The following LMO4 variants were observed in gnomAD, a reference collection of about 807,000 sequenced individuals.
LMO4 encodes the protein LIM domain only 4.
In LMO4, 3 loss-of-function variants were observed where a neutral mutation model predicts 18.5. That is an observed-to-expected ratio of 0.16 (90% CI 0.07 to 0.42). LMO4 has a LOEUF of 0.42. LMO4 is among the 10% of genes least tolerant of loss of function. The pLI is 0.99. For synonymous variants in LMO4, 100 were observed against 88.1 expected (o/e 1.14, Z -0.76); for missense variants, 121 against 219.9 (o/e 0.55, Z 2.84).
At chr1:87,343,475 TGTTCTG>T (rs1650550137) in intron 4 of LMO4, among the ~76,000 whole-genome samples, 1 of 152,212 alleles carries the variant, frequency 6.6e-6, no homozygotes, top group African/African-American at 2.4e-5. Context: ...GATTGCTGCC[TGTTCTG>T]GAATTTTTTT....
rs1444159408 is a variant in LMO4 at position 87,345,464 on chromosome 1, C to A, written c.*668C>A. On this transcript the variant is annotated 3_prime_UTR_variant, in exon 5 of 5. Coordinates refer to ENST00000370544, the MANE Select transcript of LMO4 (RefSeq NM_006769.4). ...CATAGCAGCTACTGTGTAGAAAATTCCCCCTACTTCTAATTTGCTGAATGA... is the reference window on the plus strand; with the variant it reads ...CATAGCAGCTACTGTGTAGAAAATTACCCCTACTTCTAATTTGCTGAATGA... The A allele has an allele frequency of 1.3e-5, 2 of 150,858 alleles. No individual in the cohort carries two copies. Among genetic ancestry groups the A allele is most frequent in the Non-Finnish European group, 1.5e-5 (1 of 67,808 alleles). The allele number at this position is 150,858 out of a possible 1,614,324, so 9.3% of individuals were successfully genotyped here.
chr1:87,342,255 G>C (rs1650519400), intron 4 of LMO4, among the ~76,000 whole-genome samples: 1 of 152,188 alleles, frequency 6.6e-6, no homozygotes, highest in African/African-American at 2.4e-5. Flanking sequence ...GTGTTAGGTA[G>C]GGACCAAGTA....
chr1:87,332,461 G>C (rs1321942900), intron 2 of LMO4, among the ~76,000 whole-genome samples: 1 of 152,232 alleles, frequency 6.6e-6, no homozygotes, highest in East Asian at 1.9e-4. Flanking sequence ...GCCATACTAA[G>C]TAAAGACCAT....
chr1:87,346,318 C>G lies in LMO4; in HGVS notation c.*1522C>G, dbSNP rs547715494. Reference sequence around the variant, plus strand: ...CTGCACTGCCCGCAGAGCTGCCCTCCGGAAAGCATGCAGTATAACAGCTAG... The same window carrying G: ...CTGCACTGCCCGCAGAGCTGCCCTCGGGAAAGCATGCAGTATAACAGCTAG... On this transcript the variant is annotated 3_prime_UTR_variant, in exon 5 of 5. Coordinates refer to ENST00000370544, the MANE Select transcript of LMO4 (RefSeq NM_006769.4). 1 of 152,276 alleles carries G rather than the reference C, an allele frequency of 6.6e-6. No homozygotes were observed. The highest frequency in any genetic ancestry group is 2.1e-4 in the South Asian group (1 of 4,814). The allele number at this position is 152,276 out of a possible 1,614,324, so 9.4% of individuals were successfully genotyped here.
chr1:87,333,750 G>A (rs946103772), intron 2 of LMO4, among the ~76,000 whole-genome samples: 1 of 152,104 alleles, frequency 6.6e-6, no homozygotes, highest in Non-Finnish European at 1.5e-5. Context: ...AGTAAATGTT[G>A]GAAAATCAGC....
At chr1:87,337,111 G>A (rs551596043) in intron 2 of LMO4, among the ~76,000 whole-genome samples, 3 of 152,198 alleles carry the variant, frequency 2.0e-5, no homozygotes, top group Admixed American at 1.3e-4. Context: ...CCTTAAAGCT[G>A]TAGGCATGGA....
At chr1:87,329,889 G>C (rs1390060589) in intron 1 of LMO4, among the ~76,000 whole-genome samples, 1 of 152,102 alleles carries the variant, frequency 6.6e-6, no homozygotes, top group Non-Finnish European at 1.5e-5. Context: ...GTTAAAGGGG[G>C]GCAGATTTTG....
chr1:87,334,754 T>TC (rs1650249357), intron 2 of LMO4, among the ~76,000 whole-genome samples: 1 of 151,930 alleles, frequency 6.6e-6, no homozygotes, highest in South Asian at 2.1e-4. Context: ...ACCAGTCCCC[T>TC]CCCCCTCCGC....
chr1:87,332,050 C>G lies in LMO4; in HGVS notation c.35C>G (p.Pro12Arg). 6.2e-7 allele frequency: 1 copy of G among 1,613,198 alleles called. No homozygotes were observed. The highest frequency in any genetic ancestry group is 8.5e-7 in the Non-Finnish European group (1 of 1,179,896). The change falls in exon 2 of 5, where the codon CCG becomes CGG. Residue 12 changes from proline (P) to arginine (R), a missense_variant. Coordinates refer to ENST00000370544, the MANE Select transcript of LMO4 (RefSeq NM_006769.4). ...VNPGSSSQPP[P>R]VTAGSLSWKR... is the part of the protein sequence containing the mutation. The stretch of plus-strand genomic sequence containing the variant: ...CCGGGCAGCAGCTCGCAGCCGCCCC[C>G]GGTGACGGCCGGCTCCCTCTCCTGG...
chr1:87,339,652 T>G lies in LMO4; in HGVS notation c.333+20T>G. On this transcript the variant is annotated intron_variant, in intron 3 of 4. Transcript: ENST00000370544. Reference sequence around the variant, plus strand: ...CTTAAGGTAGTATTTGCATCTCTCTTTTTTTTTTAAAAAAAAAATCATACC... The same window carrying G: ...CTTAAGGTAGTATTTGCATCTCTCTGTTTTTTTTAAAAAAAAAATCATACC... 6.7e-7 allele frequency: 1 copy of G among 1,491,268 alleles called. No homozygotes were observed. Among genetic ancestry groups the G allele is most frequent in the Non-Finnish European group, 9.3e-7 (1 of 1,078,450 alleles). 92.4% of individuals were successfully genotyped at this position (1,491,268 alleles called of 1,614,324 possible). A position where few individuals can be genotyped will look rare whatever the true frequency, so the allele number is the denominator to read the frequency against.
At chr1:87,343,890 A>G (rs550177658) in intron 4 of LMO4, among the ~76,000 whole-genome samples, 9 of 152,296 alleles carry the variant, frequency 5.9e-5, no homozygotes, top group African/African-American at 1.7e-4. Context: ...GGAGGCTCAA[A>G]ATGTCATTTA....
At chr1:87,335,478 G>A (rs1237207100) in intron 2 of LMO4, among the ~76,000 whole-genome samples, 1 of 151,816 alleles carries the variant, frequency 6.6e-6, no homozygotes, top group Non-Finnish European at 1.5e-5. Flanking sequence ...GCGCAGGGCG[G>A]GAGCCGGGCG....
chr1:87,337,774 G>A (rs72728003), intron 2 of LMO4, among the ~76,000 whole-genome samples: 3 of 152,236 alleles, frequency 2.0e-5, no homozygotes, highest in African/African-American at 2.4e-5. Context: ...ACTCCCCTGC[G>A]GCAGTGGTAC....
intron 2 of LMO4, among the ~76,000 whole-genome samples, chr1:87,334,870 ATTAGTGGCTCCTCCATTTTCTTAGTTC>A (rs1378294936): frequency 6.6e-6 from 1 of 152,210 alleles, no homozygotes; most frequent in African/African-American, 2.4e-5. Context: ...AAAAGCTTTA[ATTAGTGGCTCCTCCATTTTCTTAGTTC>A]TGATGGGCTT....
chr1:87,339,978 T>C, intron 3 of LMO4, 69 bp from the exon 4 acceptor site: 1 of 1,528,860 alleles, frequency 6.5e-7, no homozygotes, highest in Non-Finnish European at 9.0e-7. Flanking sequence ...AATAACAGGT[T>C]ATAAACTTGT....
At position 87,345,199 on chromosome 1, in the gene LMO4, T is replaced by A; in HGVS notation, c.*403T>A. ...TACCCTGTGTTTTACCTTAACAACA[T>A]TCTATTTGCTCTTTGTATATTTAAG... On this transcript the variant is annotated 3_prime_UTR_variant, in exon 5 of 5. Coordinates refer to ENST00000370544, the MANE Select transcript of LMO4 (RefSeq NM_006769.4). 1 of 177,326 alleles carries A rather than the reference T, an allele frequency of 5.6e-6. No homozygotes were observed. The highest frequency in any genetic ancestry group is 1.2e-5 in the Non-Finnish European group (1 of 84,704). The allele number at this position is 177,326 out of a possible 1,614,324, so 11.0% of individuals were successfully genotyped here. A position where few individuals can be genotyped will look rare whatever the true frequency, so the allele number is the denominator to read the frequency against.
intron 1 of LMO4, chr1:87,331,253 G>A (rs1016018156): frequency 2.6e-5 from 4 of 152,114 alleles, no homozygotes; most frequent in African/African-American, 7.2e-5. Context: ...TCTTCAAAAT[G>A]AAATGAGATT....
chr1:87,340,390 TA>T (rs200929545), intron 4 of LMO4, among the ~76,000 whole-genome samples, 188 bp downstream of exon 4: 10 of 150,394 alleles, frequency 6.6e-5, no homozygotes, highest in East Asian at 5.8e-4. Flanking sequence ...CCTTTCTAGT[TA>T]AAAAAAAAAT....
chr1:87,335,421 G>A (rs1424268418), intron 2 of LMO4, among the ~76,000 whole-genome samples: 1 of 151,820 alleles, frequency 6.6e-6, no homozygotes, highest in East Asian at 1.9e-4. Context: ...CGAGGCCGCA[G>A]CCAGAGCGCC....
Sources: allele counts gnomAD v4.1 joint callset (sites outside exome capture counted in the v4.1 genomes callset), GRCh38; gene constraint gnomAD v4.1.1; transcripts MANE v1.5; gene names NCBI Gene and HGNC (gene_info 2026-07-23, HGNC 2026-07-21).